Variants in ROBO2 observed in about 807,000 individuals in gnomAD.
ROBO2 encodes roundabout homolog 2.
In ROBO2, 53 loss-of-function variants were observed where a neutral mutation model predicts 160.8. That is an observed-to-expected ratio of 0.33 (90% CI 0.26 to 0.41). The LOEUF (loss-of-function observed/expected upper bound fraction) is 0.41, where lower values mean the gene tolerates loss of function less well. ROBO2 is among the 10% of genes least tolerant of loss of function. The probability of loss-of-function intolerance (pLI) is 1.00; values close to 1 mark genes in which losing one functional copy is unlikely to be tolerated. For missense variants in ROBO2, 1,577 were observed against 1,722.4 expected (o/e 0.92, Z 1.49); for synonymous variants, 664 against 611.7 (o/e 1.09, Z -1.26).
At chr3:77,258,518 G>A (rs9811457) in intron 2 of ROBO2, among the ~76,000 whole-genome samples, 75,206 of 151,386 alleles carry the variant, frequency 0.5, 19,906 homozygotes, top group Middle Eastern at 0.7. Context: ...AGCTGCTCAG[G>A]AGGCTGAGGA....
At chr3:76,906,639 C>T (rs73102455) in intron 2 of ROBO2, among the ~76,000 whole-genome samples, 17,937 of 151,976 alleles carry the variant, frequency 0.12, 1,438 homozygotes, top group Admixed American at 0.21. Context: ...GAAACTACGG[C>T]ACAGAGAAGT....
intron 2 of ROBO2, among the ~76,000 whole-genome samples, chr3:77,318,316 G>A (rs1407018407): frequency 6.6e-6 from 1 of 152,168 alleles, no homozygotes; most frequent in Non-Finnish European, 1.5e-5. Flanking sequence ...TTACAGGCGT[G>A]AGCCACCACG....
Position 77,484,880 on chromosome 3 carries a change from G to T in ROBO2, c.667+3661G>T, listed in dbSNP as rs369700569. Among the ~76,000 whole-genome samples, 5 of 151,774 alleles carry T rather than the reference G, an allele frequency of 3.3e-5. No homozygotes were observed. The South Asian group carries it at 1.0e-3, about 32-fold the overall frequency. Reference sequence around the variant, plus strand: ...ATATTTCTTTTCTGGTACTATTTTTGTTCTTCTTTGAATTAATAATAAACC... The same window carrying T: ...ATATTTCTTTTCTGGTACTATTTTTTTTCTTCTTTGAATTAATAATAAACC... On this transcript the variant is annotated intron_variant, in intron 4 of 25. Transcript: ENST00000461745.
intron 1 of ROBO2, among the ~76,000 whole-genome samples, chr3:75,929,629 C>A (rs778694462): frequency 4.6e-5 from 7 of 152,098 alleles, no homozygotes; most frequent in Non-Finnish European, 1.0e-4. Flanking sequence ...GAAACTCAAA[C>A]CCCTTGGAAA....
intron 2 of ROBO2, among the ~76,000 whole-genome samples, chr3:77,101,587 A>C (rs548746074): frequency 6.6e-6 from 1 of 152,312 alleles, no homozygotes; most frequent in African/African-American, 2.4e-5. Flanking sequence ...GGGAGCAGTT[A>C]ATAAGGGCTG....
rs3073098 is a variant in ROBO2, at chr3:77,598,527, G to GTATATA, written c.2854+1787_2854+1792dup. Among the ~76,000 whole-genome samples, 194 of 139,848 alleles carry GTATATA rather than the reference G, an allele frequency of 1.4e-3. 2 individuals carry two copies. Among genetic ancestry groups the GTATATA allele is most frequent in the East Asian group, 2.1e-3 (10 of 4,822 alleles). The allele number at this position is 139,848 out of a possible 152,430, so 91.7% of individuals were successfully genotyped here. ...TACGCACACACATATATATATATGT[G>GTATATA]TATATATATATATATCCCAAAGCTT... On this transcript the variant is annotated intron_variant, in intron 19 of 25. Coordinates refer to ENST00000461745, the Ensembl canonical transcript of ROBO2.
At chr3:76,733,127 C>T (rs2093661416) in intron 2 of ROBO2, among the ~76,000 whole-genome samples, 1 of 152,026 alleles carries the variant, frequency 6.6e-6, no homozygotes, top group African/African-American at 2.4e-5. Flanking sequence ...TGGGGGTGAT[C>T]AGATACAAAT....
intron 2 of ROBO2, among the ~76,000 whole-genome samples, chr3:76,387,143 G>A (rs1437152264): frequency 6.6e-6 from 1 of 152,110 alleles, no homozygotes; most frequent in Non-Finnish European, 1.5e-5. Flanking sequence ...CAGGGTCGAG[G>A]GGGAGAAAGG....
At chr3:77,340,473 T>C (rs1424196042) in intron 2 of ROBO2, among the ~76,000 whole-genome samples, 1 of 152,146 alleles carries the variant, frequency 6.6e-6, no homozygotes, top group Non-Finnish European at 1.5e-5. Context: ...GAGTCCGTGG[T>C]TGTATTTTAA....
intron 6 of ROBO2, among the ~76,000 whole-genome samples, chr3:77,536,571 G>T (rs921173494): frequency 6.6e-6 from 1 of 151,972 alleles, no homozygotes; most frequent in Non-Finnish European, 1.5e-5. Context: ...ATTGTAACAT[G>T]TCACAACACA....
At chr3:77,381,706 G>A (rs2073491374) in intron 2 of ROBO2, among the ~76,000 whole-genome samples, 2 of 152,090 alleles carry the variant, frequency 1.3e-5, no homozygotes, top group African/African-American at 4.8e-5. Flanking sequence ...TTCAGGCAAG[G>A]GTACTTGTGA....
chr3:76,723,509 T>C (rs778265296), intron 2 of ROBO2, among the ~76,000 whole-genome samples: 11 of 152,120 alleles, frequency 7.2e-5, no homozygotes, highest in Non-Finnish European at 1.5e-4. Context: ...TTCCTTACTG[T>C]CTCCCCACCG....
At position 76,938,971 on chromosome 3, in the gene ROBO2, C is replaced by CAAAAAAAA. The variant is rs71629626; in HGVS notation, c.110-159025_110-159018dup. Among the ~76,000 whole-genome samples, 158 of 114,514 alleles carry CAAAAAAAA rather than the reference C, an allele frequency of 1.4e-3. 2 individuals are homozygous for CAAAAAAAA. Among genetic ancestry groups the CAAAAAAAA allele is most frequent in the African/African-American group, 4.4e-3 (140 of 31,778 alleles). 75.1% of individuals were successfully genotyped at this position (114,514 alleles called of 152,430 possible). A position where few individuals can be genotyped will look rare whatever the true frequency, so the allele number is the denominator to read the frequency against. The stretch of plus-strand genomic sequence containing the variant: ...GGGCGACAAGAGCAAAACTCAGTCT[C>CAAAAAAAA]AAAAAAAAAAAAAAAAAAAAAAAAA... On this transcript the variant is annotated intron_variant, in intron 2 of 26. Coordinates refer to the ROBO2 transcript ENST00000487694.
At chr3:77,505,452 A>C (rs561837777) in intron 5 of ROBO2, among the ~76,000 whole-genome samples, 10 of 152,156 alleles carry the variant, frequency 6.6e-5, no homozygotes, top group Non-Finnish European at 2.9e-5. Flanking sequence ...TGTTCAATAA[A>C]TAGAGAAGTC....
At chr3:77,165,143 T>C (rs1159140798) in intron 2 of ROBO2, among the ~76,000 whole-genome samples, 1 of 151,484 alleles carries the variant, frequency 6.6e-6, no homozygotes, top group African/African-American at 2.4e-5. Context: ...GGGAAAAGAT[T>C]GAGAAATCGG....
chr3:77,612,641 GAC>G (rs1236570676), intron 21 of ROBO2, among the ~76,000 whole-genome samples: 1 of 152,080 alleles, frequency 6.6e-6, no homozygotes, highest in African/African-American at 2.4e-5. Flanking sequence ...CACACAAAAT[GAC>G]ACAGAAAAAT....
chr3:76,673,073 C>A (rs1206607141), intron 2 of ROBO2, among the ~76,000 whole-genome samples: 2 of 151,962 alleles, frequency 1.3e-5, no homozygotes, highest in East Asian at 3.9e-4. Flanking sequence ...TAATGCTTTC[C>A]AGGTTTTCCT....
chr3:77,449,352 G>C (rs749764298), intron 2 of ROBO2, among the ~76,000 whole-genome samples: 4 of 152,026 alleles, frequency 2.6e-5, no homozygotes, highest in African/African-American at 9.7e-5. Flanking sequence ...TTAAATATGC[G>C]TATGGGGTAA....
At chr3:76,002,260 T>C (rs1370044364) in intron 2 of ROBO2, among the ~76,000 whole-genome samples, 1 of 152,046 alleles carries the variant, frequency 6.6e-6, no homozygotes, top group East Asian at 1.9e-4. Context: ...CAGATAGGCA[T>C]AGAGAGAAGA....
Sources: allele counts gnomAD v4.1 joint callset (sites outside exome capture counted in the v4.1 genomes callset), GRCh38; gene constraint gnomAD v4.1.1; transcripts MANE v1.5; gene names NCBI Gene and HGNC (gene_info 2026-07-23, HGNC 2026-07-21).